Variants in GALNTL6 observed in about 807,000 individuals in gnomAD.
GALNTL6 encodes the protein polypeptide N-acetylgalactosaminyltransferase like 6.
Under a neutral mutation model 73.7 loss-of-function variants are expected in GALNTL6, and 46 were observed. The ratio of observed to expected loss-of-function variants is 0.62; its 90% CI spans 0.49 to 0.80. GALNTL6 has a LOEUF of 0.80. Ranked by LOEUF, GALNTL6 falls within the 30% of genes least tolerant of loss-of-function variation. The probability of loss-of-function intolerance (pLI) is 0.00; values close to 1 mark genes in which losing one functional copy is unlikely to be tolerated. For synonymous variants in GALNTL6, 259 were observed against 263.7 expected, an observed-to-expected ratio of 0.98 and a Z score of 0.17; for missense variants, 604 against 755.0, an observed-to-expected ratio of 0.80 and a Z score of 2.34.
intron 5 of GALNTL6, among the ~76,000 whole-genome samples, chr4:172,736,782 G>T (rs1736493827): frequency 6.6e-6 from 1 of 152,156 alleles, no homozygotes; most frequent in Non-Finnish European, 1.5e-5. Flanking sequence ...ATGTTCTTCT[G>T]CTGTGGCTTC....
chr4:172,724,732 G>A (rs574610055), intron 5 of GALNTL6, among the ~76,000 whole-genome samples: 14 of 152,194 alleles, frequency 9.2e-5, no homozygotes, highest in South Asian at 2.1e-4. Context: ...CAGTTTTTAC[G>A]TCAAAATATG....
intron 2 of GALNTL6, among the ~76,000 whole-genome samples, chr4:172,082,091 G>A (rs1731898294): frequency 6.6e-6 from 1 of 151,988 alleles, no homozygotes; most frequent in South Asian, 2.1e-4. Flanking sequence ...TATCCAGGCT[G>A]GTTTCAAATT....
intron 5 of GALNTL6, among the ~76,000 whole-genome samples, chr4:172,619,815 C>T (rs1167276598): frequency 6.6e-6 from 1 of 152,106 alleles, no homozygotes; most frequent in Non-Finnish European, 1.5e-5. Context: ...TAAGAATAGC[C>T]ACATGAGTTT....
intron 4 of GALNTL6, among the ~76,000 whole-genome samples, chr4:172,337,278 G>A (rs965439071): frequency 1.3e-5 from 2 of 151,972 alleles, no homozygotes; most frequent in African/African-American, 2.4e-5. Flanking sequence ...GTTACACCAT[G>A]TACATTCAAG....
chr4:171,896,324 A>G (rs540848013), intron 2 of GALNTL6, among the ~76,000 whole-genome samples: 8 of 152,342 alleles, frequency 5.3e-5, no homozygotes, highest in African/African-American at 7.2e-5. Context: ...TATAACACAT[A>G]TAAGTCTAAT....
At chr4:172,254,343 A>G (rs6818651) in intron 3 of GALNTL6, among the ~76,000 whole-genome samples, 19,140 of 151,812 alleles carry the variant, frequency 0.13, 1,298 homozygotes, top group East Asian at 0.29. Flanking sequence ...AGATATTAAT[A>G]AAGAGGGAGG....
At chr4:172,874,943 C>T (rs1212505964) in intron 7 of GALNTL6, among the ~76,000 whole-genome samples, 1 of 152,230 alleles carries the variant, frequency 6.6e-6, no homozygotes, top group African/African-American at 2.4e-5. Context: ...AGAAAGGCCA[C>T]TCCAGGGGAC....
intron 5 of GALNTL6, among the ~76,000 whole-genome samples, chr4:172,624,521 AAG>A (rs1257351839): frequency 2.0e-5 from 3 of 152,028 alleles, no homozygotes; most frequent in Non-Finnish European, 4.4e-5. Context: ...AAGTTCCTAG[AAG>A]AGAGAATCTG....
chr4:172,737,818 G>A (rs1018350564), intron 5 of GALNTL6, among the ~76,000 whole-genome samples: 1 of 152,128 alleles, frequency 6.6e-6, no homozygotes, highest in Non-Finnish European at 1.5e-5. Context: ...TCAGCTCTAG[G>A]TGACACCTTA....
At chr4:172,746,747 A>T (rs2110762438) in intron 5 of GALNTL6, among the ~76,000 whole-genome samples, 1 of 152,248 alleles carries the variant, frequency 6.6e-6, no homozygotes, top group Admixed American at 6.5e-5. Context: ...CATCATACTT[A>T]ATGGTGAAAA....
At chr4:172,015,923 A>ATTTTTTT (rs70941375) in intron 2 of GALNTL6, among the ~76,000 whole-genome samples, 16 of 44,088 alleles carry the variant, frequency 3.6e-4, no homozygotes, top group Non-Finnish European at 4.2e-4. Flanking sequence ...ATCTAATAGG[A>ATTTTTTT]TTTTTTTTTT....
chr4:171,909,330 C>T (rs1387023919), intron 2 of GALNTL6, among the ~76,000 whole-genome samples: 1 of 151,946 alleles, frequency 6.6e-6, no homozygotes, highest in Non-Finnish European at 1.5e-5. Context: ...ATTATTTAAG[C>T]CATAGATGAT....
intron 2 of GALNTL6, among the ~76,000 whole-genome samples, chr4:172,141,145 C>T (rs1354735975): frequency 6.6e-6 from 1 of 151,920 alleles, no homozygotes; most frequent in Non-Finnish European, 1.5e-5. Flanking sequence ...ACAGCTGAGA[C>T]AAGGTATGGA....
chr4:172,368,551 A>C (rs1742655469), intron 5 of GALNTL6, among the ~76,000 whole-genome samples: 1 of 152,276 alleles, frequency 6.6e-6, no homozygotes, highest in Non-Finnish European at 1.5e-5. Context: ...CCAACATAAC[A>C]GATCACAAAG....
intron 3 of GALNTL6, among the ~76,000 whole-genome samples, chr4:172,260,447 T>C (rs1483983022): frequency 6.6e-6 from 1 of 151,770 alleles, no homozygotes; most frequent in East Asian, 1.9e-4. Flanking sequence ...TTTGTGTACA[T>C]TGATTTTGTA....
chr4:172,390,363 C>T (rs1743620383), intron 5 of GALNTL6, among the ~76,000 whole-genome samples: 1 of 152,180 alleles, frequency 6.6e-6, no homozygotes, highest in Non-Finnish European at 1.5e-5. Flanking sequence ...CTTACTCATG[C>T]TTGTGTTCTC....
chr4:172,643,547 C>T (rs1349542634), intron 5 of GALNTL6, among the ~76,000 whole-genome samples: 1 of 151,892 alleles, frequency 6.6e-6, no homozygotes, highest in Non-Finnish European at 1.5e-5. Flanking sequence ...CACCAGATGT[C>T]TCCCTAAAGT....
chr4:172,978,540 A>G (rs187055336), intron 10 of GALNTL6, among the ~76,000 whole-genome samples: 6 of 152,336 alleles, frequency 3.9e-5, no homozygotes, highest in Admixed American at 3.3e-4. Context: ...GTTCTTCAGT[A>G]GTCTCAGCCT....
chr4:172,925,036 T>C (rs1250565485), intron 8 of GALNTL6, among the ~76,000 whole-genome samples: 2 of 152,012 alleles, frequency 1.3e-5, no homozygotes, highest in Non-Finnish European at 2.9e-5. Flanking sequence ...CACGCCCGGC[T>C]AATTTTTTTG....
Sources: allele counts gnomAD v4.1 joint callset (sites outside exome capture counted in the v4.1 genomes callset), GRCh38; gene constraint gnomAD v4.1.1; transcripts MANE v1.5; gene names NCBI Gene and HGNC (gene_info 2026-07-23, HGNC 2026-07-21).